PIK3C2B: variants seen among roughly 807,000 people sequenced by gnomAD.
The protein encoded by PIK3C2B is phosphatidylinositol-4-phosphate 3-kinase catalytic subunit type 2 beta, also known as phosphatidylinositol 4-phosphate 3-kinase C2 domain-containing subunit beta.
In PIK3C2B, 83 loss-of-function variants were observed where a neutral mutation model predicts 184.3. The ratio of observed to expected loss-of-function variants is 0.45; its 90% CI spans 0.38 to 0.54. The LOEUF is 0.54. Among genes scored for constraint, PIK3C2B ranks in the 20% least tolerant of loss-of-function variants. The pLI, the probability that PIK3C2B is intolerant of heterozygous loss-of-function variation, is 0.00. For synonymous variants in PIK3C2B, 779 were observed against 837.6 expected (o/e 0.93, Z 1.21); for missense variants, 1,736 against 2,113.5 (o/e 0.82, Z 3.50).
rs545904416 is a variant in PIK3C2B at position 204,467,833 on chromosome 1, C to CAAA, written c.933+1034_933+1036dup. Among the ~76,000 whole-genome samples, 114 of 88,574 alleles carry CAAA rather than the reference C, an allele frequency of 1.3e-3. 44 individuals carry two copies. Among genetic ancestry groups the CAAA allele is most frequent in the Middle Eastern group, 0.021 (2 of 96 alleles). 58.1% of individuals were successfully genotyped at this position (88,574 alleles called of 152,430 possible). ...CTGGTGACAGAGTGAGACTCTGTCT[C>CAAA]AAAAAAAAAAAAAAAAAGAAGGCAT... On this transcript the variant is annotated intron_variant, in intron 2 of 32. Coordinates refer to ENST00000684373, the MANE Select transcript of PIK3C2B (RefSeq NM_001377334.1).
chr1:204,453,777 ATT>A (rs35689799), intron 12 of PIK3C2B, among the ~76,000 whole-genome samples: 1 of 148,026 alleles, frequency 6.8e-6, no homozygotes, highest in Non-Finnish European at 1.5e-5. Flanking sequence ...CTAACATTTA[ATT>A]TTTTTTTTTT....
rs113688884 is a variant in PIK3C2B at position 204,464,608 on chromosome 1, T to G, written c.1035-4A>C. ...GATGTCAGAGCCAGATCGAAGGCTG[T>G]ACAGGAAGAAAAAAAACCCTCACTG... On this transcript the variant is annotated splice_region_variant and splice_polypyrimidine_tract_variant and intron_variant, in intron 3 of 32. Coordinates refer to ENST00000684373, the MANE Select transcript of PIK3C2B (RefSeq NM_001377334.1). 75 of 1,611,662 alleles carry G rather than the reference T, an allele frequency of 4.7e-5. 2 individuals are homozygous for G. In the Middle Eastern group the frequency reaches 8.3e-4, roughly 18 times the overall value.
chr1:204,480,082 T>C (rs1235033889), intron 1 of PIK3C2B, among the ~76,000 whole-genome samples: 1 of 152,184 alleles, frequency 6.6e-6, no homozygotes, highest in Non-Finnish European at 1.5e-5. Context: ...GAGGCGTACT[T>C]CAAACGAGGG....
At chr1:204,438,509 C>T (rs1174060879) in intron 23 of PIK3C2B, among the ~76,000 whole-genome samples, 1 of 152,178 alleles carries the variant, frequency 6.6e-6, no homozygotes, top group Admixed American at 6.5e-5. Context: ...AATCTTAATT[C>T]ACAGCTATGA....
intron 1 of PIK3C2B, among the ~76,000 whole-genome samples, chr1:204,479,144 C>T (rs764948603): frequency 6.6e-6 from 1 of 152,178 alleles, no homozygotes; most frequent in African/African-American, 2.4e-5. Context: ...CTGAATGGAA[C>T]ATTTGGCAAA....
intron 21 of PIK3C2B, 112 bp from the exon 22 acceptor site, chr1:204,440,433 C>T (rs1675588165): frequency 9.0e-7 from 1 of 1,114,790 alleles, no homozygotes; most frequent in Non-Finnish European, 1.3e-6. Context: ...AGTTCCCCAG[C>T]CTCACACCCC....
At chr1:204,434,835 T>C (rs1380106778) in intron 23 of PIK3C2B, among the ~76,000 whole-genome samples, 1 of 152,268 alleles carries the variant, frequency 6.6e-6, no homozygotes, top group African/African-American at 2.4e-5. Context: ...TTTATATGTA[T>C]ATCTTCACCA....
intron 1 of PIK3C2B, among the ~76,000 whole-genome samples, chr1:204,488,394 G>C (rs1018337496): frequency 6.6e-5 from 10 of 152,164 alleles, no homozygotes; most frequent in African/African-American, 2.4e-4. Context: ...TTCAACTAGA[G>C]AATCTCTCCA....
intron 5 of PIK3C2B, among the ~76,000 whole-genome samples, chr1:204,463,640 A>C (rs987569209): frequency 6.6e-6 from 1 of 152,214 alleles, no homozygotes. Context: ...TGCCCCAGCC[A>C]TAAAAACACC....
Position 204,464,533 on chromosome 1 carries a change from G to T in PIK3C2B, c.1106C>A (p.Pro369Gln), listed in dbSNP as rs1377357953. 1 of 1,613,880 alleles carries T rather than the reference G, an allele frequency of 6.2e-7. No individual in the cohort carries two copies. Residue 369 changes from proline to glutamine, a missense_variant, in exon 4 of 33, where the codon CCA becomes CAA. Physicochemically the swap from Pro to Gln is moderately conservative, Grantham distance 76. Around this residue, in one of 8 missense-constraint regions of PIK3C2B, gnomAD observed 609 missense variants for 699.2 expected, o/e 0.87. Coordinates refer to ENST00000684373, the MANE Select transcript of PIK3C2B (RefSeq NM_001377334.1). ...GTTGACCTCATCCCCGAGGTGCTCT[G>T]GGCTAGGGGTGACAGCACTCCAGAC... ...GYVWSAVTPS[P>Q]EHLGDEVNLK...
At chr1:204,444,669 C>G (rs1380570902) in intron 16 of PIK3C2B, among the ~76,000 whole-genome samples, 1 of 152,184 alleles carries the variant, frequency 6.6e-6, no homozygotes, top group African/African-American at 2.4e-5. Context: ...CACTCTCACT[C>G]CTTGGAGGAT....
chr1:204,444,454 C>T (rs1157817698), intron 16 of PIK3C2B, 30 bp from the exon 17 acceptor site: 3 of 1,557,466 alleles, frequency 1.9e-6, no homozygotes, highest in Non-Finnish European at 2.6e-6. Context: ...GCCCTGACAA[C>T]CTAGCTGCAA....
rs1369361687 is a variant in PIK3C2B, at chr1:204,457,779, A to C, written c.1662T>G (p.Ala554=). 3 of 1,613,208 alleles carry C rather than the reference A, an allele frequency of 1.9e-6. No homozygotes were observed. In the South Asian group the frequency reaches 3.3e-5, roughly 18 times the overall value. ...AGGGGCAGGGGGGCAGCTGGTTGAG[A>C]GCACTGGTGATCTCAGGGGTTTCCA... ...AAVETPEITS[A]LNQLPPCPSR... is the part of the protein sequence containing the mutation. The change falls in exon 9 of 33, where the codon GCT becomes GCG. Residue 554 remains alanine, a synonymous_variant. Coordinates refer to ENST00000684373, the MANE Select transcript of PIK3C2B (RefSeq NM_001377334.1).
chr1:204,464,097 G>A lies in PIK3C2B; in HGVS notation c.1225C>T (p.Leu409=), dbSNP rs777926387. Residue 409 remains leucine, a synonymous_variant, in exon 5 of 33, where the codon CTG becomes TTG. Transcript: ENST00000684373. ...CTCAGGTCATCATGGGTGTAGCACAGGGTCTGGTAGATAAGCAAGTCTACA... is the reference window on the plus strand; with the variant it reads ...CTCAGGTCATCATGGGTGTAGCACAAGGTCTGGTAGATAAGCAAGTCTACA... ...STVDLLIYQT[L]CYTHDDLRNV... 6.2e-7 allele frequency: 1 copy of A among 1,614,148 alleles called. No homozygotes were observed. Among genetic ancestry groups the A allele is most frequent in the Non-Finnish European group, 8.5e-7 (1 of 1,179,978 alleles).
intron 21 of PIK3C2B, among the ~76,000 whole-genome samples, chr1:204,440,765 T>TTATATATATATATATATATA (rs34842826): frequency 2.1e-5 from 3 of 140,058 alleles, no homozygotes; most frequent in African/African-American, 7.8e-5. Flanking sequence ...CCCAGCTAAT[T>TTATATATATATATATATATA]TATATATATA....
intron 11 of PIK3C2B, 136 bp from the exon 12 acceptor site, chr1:204,454,927 G>A (rs1390517058): frequency 2.1e-5 from 19 of 916,654 alleles, no homozygotes; most frequent in Non-Finnish European, 2.9e-5. Flanking sequence ...CAGGATCTCC[G>A]GATAGGACAG....
At chr1:204,430,579 A>G (rs990515632) in intron 28 of PIK3C2B, among the ~76,000 whole-genome samples, 3 of 151,882 alleles carry the variant, frequency 2.0e-5, no homozygotes, top group Non-Finnish European at 2.9e-5. Context: ...TCCTTAGCTC[A>G]TGATCTGCCT....
intron 1 of PIK3C2B, among the ~76,000 whole-genome samples, chr1:204,470,649 A>C (rs948504665): frequency 1.3e-5 from 2 of 152,254 alleles, no homozygotes; most frequent in Non-Finnish European, 2.9e-5. Context: ...TATCACTCCT[A>C]CTTATCCAAG....
intron 5 of PIK3C2B, 111 bp from the exon 6 acceptor site, chr1:204,460,772 G>C: frequency 1.4e-6 from 1 of 714,522 alleles, no homozygotes; most frequent in Non-Finnish European, 2.5e-6. Flanking sequence ...AGGTAAGGGG[G>C]TAGTACCCGT....
Sources: gnomAD v4.1 joint callset for allele counts (sites outside exome capture counted in the v4.1 genomes callset) on GRCh38, gnomAD v4.1.1 for gene constraint, gnomAD v4.1.1 regional missense constraint, MANE v1.5 for transcripts, NCBI Gene and HGNC (gene_info 2026-07-23, HGNC 2026-07-21) for gene names.